UNC13C: variants seen among roughly 807,000 people sequenced by gnomAD.
The protein encoded by UNC13C is unc-13 homolog C.
UNC13C carries 174 observed loss-of-function variants against 245.4 expected under a neutral mutation model. The ratio of observed to expected loss-of-function variants is 0.71; its 90% confidence interval spans 0.63 to 0.80. The LOEUF (loss-of-function observed/expected upper bound fraction) is 0.80, where lower values mean the gene tolerates loss of function less well. Ranked by LOEUF, UNC13C falls within the 30% of genes least tolerant of loss-of-function variation. The pLI, the probability that UNC13C is intolerant of heterozygous loss-of-function variation, is 0.00. For synonymous variants in UNC13C, 992 were observed against 895.1 expected (o/e 1.11, Z -1.93); for missense variants, 2,829 against 2,602.9 (o/e 1.09, Z -1.89).
At chr15:54,001,538 T>C (rs1894887734) in intron 1 of UNC13C, among the ~76,000 whole-genome samples, 1 of 152,114 alleles carries the variant, frequency 6.6e-6, no homozygotes, top group Non-Finnish European at 1.5e-5. Context: ...GTCACTGTGG[T>C]GATTTCTTGG....
chr15:54,463,649 A>T (rs1346750221), intron 19 of UNC13C, among the ~76,000 whole-genome samples: 2 of 152,126 alleles, frequency 1.3e-5, no homozygotes, highest in Non-Finnish European at 2.9e-5. Context: ...AACACATCCG[A>T]ACATCAGAAG....
chr15:54,129,910 A>C (rs903674814), intron 2 of UNC13C, among the ~76,000 whole-genome samples: 9 of 52,058 alleles, frequency 1.7e-4, no homozygotes, highest in African/African-American at 4.3e-4. Flanking sequence ...CTTTGAGTTT[A>C]TAATGTGTTT....
At chr15:54,422,688 C>T (rs1466970993) in intron 19 of UNC13C, among the ~76,000 whole-genome samples, 1 of 151,824 alleles carries the variant, frequency 6.6e-6, no homozygotes, top group Non-Finnish European at 1.5e-5. Flanking sequence ...TCATAGAGGG[C>T]TCCTTTCCAT....
chr15:54,285,467 A>G (rs151183923), intron 10 of UNC13C, among the ~76,000 whole-genome samples: 170 of 152,330 alleles, frequency 1.1e-3, no homozygotes, highest in Middle Eastern at 3.4e-3. Context: ...TTCATGATCA[A>G]TCACTAATAG....
intron 31 of UNC13C, 41 bp downstream of exon 31, chr15:54,622,460 C>T (rs1258987270): frequency 2.8e-6 from 4 of 1,443,700 alleles, no homozygotes; most frequent in Non-Finnish European, 3.9e-6. Flanking sequence ...GCCTTCTAAA[C>T]TTCTGCAGCA....
chr15:53,980,683 G>A (rs1298142141), intron 1 of UNC13C, among the ~76,000 whole-genome samples: 1 of 152,072 alleles, frequency 6.6e-6, no homozygotes, highest in Non-Finnish European at 1.5e-5. Context: ...ATAATTTGTT[G>A]TTAGACCTCC....
chr15:54,209,420 GT>G (rs59822971), intron 4 of UNC13C, among the ~76,000 whole-genome samples: 2 of 150,066 alleles, frequency 1.3e-5, no homozygotes, highest in Non-Finnish European at 3.0e-5. Flanking sequence ...TTGGTTTTTT[GT>G]TTTTTTTTGA....
chr15:54,421,329 C>A (rs915003152), intron 19 of UNC13C, among the ~76,000 whole-genome samples: 4 of 151,850 alleles, frequency 2.6e-5, no homozygotes, highest in Admixed American at 2.0e-4. Flanking sequence ...TAGAAGAATG[C>A]TAAATAGCCT....
chr15:53,943,535 T>G, the UNC13C span, among the ~76,000 whole-genome samples: 1 of 152,210 alleles, frequency 6.6e-6, no homozygotes, highest in Non-Finnish European at 1.5e-5. Flanking sequence ...TTGGAAGAAC[T>G]GATATTTTGT....
At chr15:54,238,980 C>T (rs575289796) in intron 7 of UNC13C, among the ~76,000 whole-genome samples, 1 of 152,120 alleles carries the variant, frequency 6.6e-6, no homozygotes, top group Non-Finnish European at 1.5e-5. Context: ...AAAAAAAATT[C>T]TTGTGTTTGG....
the UNC13C span, among the ~76,000 whole-genome samples, chr15:53,884,107 G>A: frequency 7.7e-5 from 1 of 13,010 alleles, no homozygotes; most frequent in African/African-American, 3.4e-4. Context: ...TTGTTGTTAC[G>A]ATGGTTAACA....
intron 17 of UNC13C, among the ~76,000 whole-genome samples, chr15:54,369,974 C>T (rs1013005946): frequency 5.3e-5 from 8 of 152,058 alleles, no homozygotes; most frequent in Admixed American, 3.3e-4. Flanking sequence ...TTAAGGGTGG[C>T]GAGAAATAAT....
intron 19 of UNC13C, among the ~76,000 whole-genome samples, chr15:54,485,922 A>G (rs533606744): frequency 6.6e-6 from 1 of 152,246 alleles, no homozygotes; most frequent in African/African-American, 2.4e-5. Flanking sequence ...TGAGCACCCT[A>G]TCAAAAAAGG....
intron 17 of UNC13C, among the ~76,000 whole-genome samples, chr15:54,355,596 G>A (rs2039077712): frequency 6.6e-6 from 1 of 152,056 alleles, no homozygotes; most frequent in Non-Finnish European, 1.5e-5. Flanking sequence ...GACCTCAAGT[G>A]ATGCTCCCAC....
intron 8 of UNC13C, among the ~76,000 whole-genome samples, chr15:54,257,005 G>A (rs1232301944): frequency 6.6e-6 from 1 of 152,190 alleles, no homozygotes; most frequent in African/African-American, 2.4e-5. Flanking sequence ...GCCTAGCTAT[G>A]AGTACCAGGC....
intron 2 of UNC13C, among the ~76,000 whole-genome samples, chr15:54,020,085 A>G (rs1487343291): frequency 6.6e-6 from 1 of 152,122 alleles, no homozygotes; most frequent in Non-Finnish European, 1.5e-5. Flanking sequence ...GGTCAGGAGG[A>G]TGCAGTCTGG....
intron 7 of UNC13C, among the ~76,000 whole-genome samples, chr15:54,241,132 A>C (rs981651018): frequency 3.3e-5 from 5 of 152,170 alleles, no homozygotes; most frequent in Non-Finnish European, 7.3e-5. Context: ...GGTTTATGGG[A>C]AACCAGGTAG....
At chr15:53,842,859 C>G in the UNC13C span, among the ~76,000 whole-genome samples, 1 of 149,874 alleles carries the variant, frequency 6.7e-6, no homozygotes, top group Non-Finnish European at 1.5e-5. Flanking sequence ...ATTTTGAACA[C>G]CAGGATCATT....
intron 19 of UNC13C, among the ~76,000 whole-genome samples, chr15:54,457,147 T>G (rs1187483041): frequency 6.6e-6 from 1 of 152,200 alleles, no homozygotes; most frequent in Non-Finnish European, 1.5e-5. Flanking sequence ...ATATGATTAT[T>G]GTTTTTAATT....
Sources: gnomAD v4.1 joint callset for allele counts (sites outside exome capture counted in the v4.1 genomes callset) on GRCh38, gnomAD v4.1.1 for gene constraint, MANE v1.5 for transcripts, NCBI Gene and HGNC (gene_info 2026-07-23, HGNC 2026-07-21) for gene names.